ROS1: variants seen among roughly 807,000 people sequenced by gnomAD.
ROS1 encodes the protein ROS proto-oncogene 1, receptor tyrosine kinase.
A neutral mutation model predicts 273.5 loss-of-function variants in ROS1; 263 were observed. The observed-to-expected ratio is 0.96, with a 90% confidence interval of 0.87 to 1.06. ROS1 has a LOEUF of 1.06. ROS1 is among the 50% of genes least tolerant of loss of function. ROS1 has a pLI of 0.00. For synonymous variants in ROS1, 1,008 were observed against 954.1 expected (o/e 1.06, Z -1.04); for missense variants, 2,833 against 2,751.1 (o/e 1.03, Z -0.67).
intron 27 of ROS1, among the ~76,000 whole-genome samples, chr6:117,345,304 C>G (rs571320834): frequency 6.6e-6 from 1 of 152,224 alleles, no homozygotes; most frequent in Non-Finnish European, 1.5e-5. Flanking sequence ...ATTCATGCAT[C>G]ATTTTTCCTG....
intron 3 of ROS1, 128 bp downstream of exon 3, chr6:117,416,130 G>A (rs1775314382): frequency 1.6e-6 from 1 of 643,612 alleles, no homozygotes; most frequent in Non-Finnish European, 2.8e-6. Flanking sequence ...TTTTAGTTTT[G>A]TTTTGTTTTG....
rs780713592 is a variant in ROS1, at chr6:117,308,870, G to A, written c.6475C>T (p.His2159Tyr). The A allele has an allele frequency of 2.5e-6, 4 of 1,613,278 alleles. No homozygotes were observed. In the South Asian group the frequency reaches 3.3e-5, roughly 13 times the overall value. ...TAGTTTAACACATCAAGGTTGGAATGAGCTGGATAAGGCTGATGACCAAGA... is the reference window on the plus strand; with the variant it reads ...TAGTTTAACACATCAAGGTTGGAATAAGCTGGATAAGGCTGATGACCAAGA... ...LTLGHQPYPA[H>Y]SNLDVLNYVQ... Residue 2159 changes from histidine to tyrosine, a missense_variant, in exon 42 of 44, where the codon CAT becomes TAT. Physicochemically the swap from His to Tyr is moderately conservative, Grantham distance 83. Coordinates refer to ENST00000368507, the MANE Select transcript of ROS1 (RefSeq NM_001378902.1).
intron 32 of ROS1, among the ~76,000 whole-genome samples, chr6:117,330,175 G>A (rs552449905): frequency 2.6e-5 from 4 of 152,344 alleles, no homozygotes; most frequent in South Asian, 2.1e-4. Context: ...AAGACTTGTC[G>A]CCACAACCCA....
chr6:117,380,856 T>A (rs1437779475), intron 17 of ROS1, among the ~76,000 whole-genome samples: 3 of 152,170 alleles, frequency 2.0e-5, no homozygotes, highest in African/African-American at 7.2e-5. Context: ...GCAAAAGGTA[T>A]CTTTTTACCT....
At position 117,425,601 on chromosome 6, in the gene ROS1, C is replaced by G. The variant is rs747481675; in HGVS notation, c.56G>C (p.Cys19Ser). 6.2e-7 allele frequency: 1 copy of G among 1,612,564 alleles called. No individual in the cohort carries two copies. The highest frequency in any genetic ancestry group is 2.2e-5 in the East Asian group (1 of 44,790). Residue 19 changes from cysteine to serine, a missense_variant, in exon 1 of 44, where the codon TGC becomes TCC. Cys to Ser is a moderately radical substitution (Grantham distance 112, BLOSUM62 -1). Coordinates refer to ENST00000368507, the MANE Select transcript of ROS1 (RefSeq NM_001378902.1). ...PKLVNFATLG[C>S]LWISVVQCTV... ...ACACTGCACCACAGAAATCCATAGG[C>G]AGCCAAGAGTTGCAAAATTGACAAG... is the stretch of plus-strand genomic sequence containing the variant.
At chr6:117,331,658 A>G (rs1777085303) in intron 32 of ROS1, among the ~76,000 whole-genome samples, 3 of 152,226 alleles carry the variant, frequency 2.0e-5, no homozygotes, top group African/African-American at 7.2e-5. Context: ...CATAAACCCT[A>G]CAAACCAGAA....
In ROS1 at chr6:117,393,306, A is replaced by T. The variant is rs2128711074; in HGVS notation, c.1207T>A (p.Leu403Ile). 1 of 1,607,830 alleles carries T rather than the reference A, an allele frequency of 6.2e-7. No homozygotes were observed. Among genetic ancestry groups the T allele is most frequent in the Non-Finnish European group, 8.5e-7 (1 of 1,174,816 alleles). ...IMDELVCVCDLENCSNIEEIT... is the reference protein window; with the variant it reads ...IMDELVCVCDIENCSNIEEIT... ...TCCTCGATGTTTGAGCAGTTCTCTA[A>T]ATCACAGACACATACCTAAAAAAAT... The change falls in exon 12 of 44, where the codon TTA (leucine) becomes ATA (isoleucine). Residue 403 changes from leucine (L) to isoleucine (I), a missense_variant. Transcript: ENST00000368507.
intron 4 of ROS1, 152 bp from the exon 5 acceptor site, chr6:117,409,794 G>A (rs1774754956): frequency 6.2e-6 from 4 of 648,456 alleles, no homozygotes; most frequent in East Asian, 2.8e-5. Context: ...TGCCTAATAC[G>A]CAAGTACATC....
rs529764314 is a variant in ROS1 at position 117,288,153 on chromosome 6, A to T, written c.*339T>A. ...TTCTGTCTCTAAACATGTGGCCAAG[A>T]TATTTTTATTACAGCCCAAACTGAA... is the stretch of plus-strand genomic sequence containing the variant. On this transcript the variant is annotated 3_prime_UTR_variant, in exon 44 of 44. Transcript: ENST00000368507. The T allele has an allele frequency of 8.5e-5, 28 of 330,132 alleles. No homozygotes were observed. Among genetic ancestry groups the T allele is most frequent in the African/African-American group, 4.8e-4 (23 of 47,600 alleles). 20.5% of individuals were successfully genotyped at this position (330,132 alleles called of 1,614,324 possible). A position where few individuals can be genotyped will look rare whatever the true frequency, so the allele number is the denominator to read the frequency against.
Position 117,366,231 on chromosome 6 carries a change from T to A in ROS1, c.2642A>T (p.Asn881Ile). Residue 881 changes from asparagine (N) to isoleucine (I), a missense_variant, in exon 19 of 44, where the codon AAT (asparagine) becomes ATT (isoleucine). Coordinates refer to ENST00000368507, the MANE Select transcript of ROS1 (RefSeq NM_001378902.1). ...AAWSTSEISQ[N>I]ALMYYSGRLF... ...CCGACCACTATAGTACATCAGTGCATTCTGGGAAATTTCAGAAGTACTCCA... is the reference window on the plus strand; with the variant it reads ...CCGACCACTATAGTACATCAGTGCAATCTGGGAAATTTCAGAAGTACTCCA... The A allele has an allele frequency of 6.2e-7, 1 of 1,614,108 alleles. No homozygotes were observed. The highest frequency in any genetic ancestry group is 8.5e-7 in the Non-Finnish European group (1 of 1,179,994).
At chr6:117,363,927 G>T (rs1441385365) in intron 21 of ROS1, among the ~76,000 whole-genome samples, 2 of 152,058 alleles carry the variant, frequency 1.3e-5, no homozygotes. Context: ...TACAGTAAGT[G>T]GTTAATAAAT....
intron 7 of ROS1, among the ~76,000 whole-genome samples, chr6:117,402,752 G>A (rs1479702186): frequency 6.6e-6 from 1 of 151,962 alleles, no homozygotes; most frequent in South Asian, 2.1e-4. Flanking sequence ...AGCCAGGCAT[G>A]GTAGTGCATG....
At chr6:117,329,252 A>G in intron 33 of ROS1, 77 bp downstream of exon 33, 1 of 716,592 alleles carries the variant, frequency 1.4e-6, no homozygotes, top group South Asian at 1.9e-5. Flanking sequence ...ATTTGCATAA[A>G]TAGTGTTACT....
intron 8 of ROS1, among the ~76,000 whole-genome samples, 199 bp from the exon 9 acceptor site, chr6:117,396,463 A>G (rs1773497274): frequency 6.6e-6 from 1 of 152,206 alleles, no homozygotes; most frequent in African/African-American, 2.4e-5. Context: ...GTTCAGGGTC[A>G]TAGAGGTCAA....
At chr6:117,310,536 C>T (rs575549153) in intron 40 of ROS1, among the ~76,000 whole-genome samples, 47 of 152,038 alleles carry the variant, frequency 3.1e-4, no homozygotes, top group Non-Finnish European at 6.3e-4. Context: ...AATGCTCTCC[C>T]TTCCCTTGCC....
At chr6:117,395,591 T>TCTTAGAAAGCATTTTCATTTGTTATTTG (rs2128714621) in intron 9 of ROS1, among the ~76,000 whole-genome samples, 1 of 152,264 alleles carries the variant, frequency 6.6e-6, no homozygotes, top group African/African-American at 2.4e-5. Context: ...TTCCAGTACT[T>TCTTAGAAAGCATTTTCATTTGTTATTTG]CTTAGAAAGC....
Position 117,341,194 on chromosome 6 carries a change from A to G in ROS1, c.5002T>C (p.Phe1668Leu). The change falls in exon 31 of 44, where the codon TTT becomes CTT. Residue 1668 changes from phenylalanine to leucine, a missense_variant. Coordinates refer to ENST00000368507, the MANE Select transcript of ROS1 (RefSeq NM_001378902.1). ...ACATTCAATGGAGCCTTCCAATTAA[A>G]TTGCAAACTAGTGTTCTCTGGAACC... ...SLVPENTSLQ[F>L]NWKAPLNVNL... The G allele has an allele frequency of 1.9e-6, 3 of 1,613,512 alleles. No homozygotes were observed. The highest frequency in any genetic ancestry group is 2.5e-6 in the Non-Finnish European group (3 of 1,179,622).
At chr6:117,410,146 T>C (rs1442434108) in intron 4 of ROS1, among the ~76,000 whole-genome samples, 1 of 152,218 alleles carries the variant, frequency 6.6e-6, no homozygotes, top group Non-Finnish European at 1.5e-5. Flanking sequence ...ATATGTACAA[T>C]GATATTCTAT....
intron 34 of ROS1, among the ~76,000 whole-genome samples, chr6:117,325,110 C>A (rs1776542096): frequency 6.6e-6 from 1 of 152,064 alleles, no homozygotes; most frequent in Non-Finnish European, 1.5e-5. Context: ...AGCTGGGTAG[C>A]AAACTTCTGT....
Sources: gnomAD v4.1 joint callset for allele counts (sites outside exome capture counted in the v4.1 genomes callset) on GRCh38, gnomAD v4.1.1 for gene constraint, MANE v1.5 for transcripts, NCBI Gene and HGNC (gene_info 2026-07-23, HGNC 2026-07-21) for gene names.